Variants in MACROD1 observed in about 807,000 individuals in gnomAD.
MACROD1 encodes the protein ADP-ribose glycohydrolase MACROD1.
In MACROD1, 31 loss-of-function variants were observed where a neutral mutation model predicts 41.4. The ratio of observed to expected loss-of-function variants is 0.75; its 90% CI spans 0.56 to 1.01. The LOEUF is 1.01. Among genes scored for constraint, MACROD1 ranks in the 50% least tolerant of loss-of-function variants. The pLI, the probability that MACROD1 is intolerant of heterozygous loss-of-function variation, is 0.00. For synonymous variants in MACROD1, 252 were observed against 203.4 expected (o/e 1.24, Z -2.03); for missense variants, 473 against 460.0 (o/e 1.03, Z -0.26).
At chr11:64,024,605 C>T (rs1017772984) in intron 3 of MACROD1, among the ~76,000 whole-genome samples, 16 of 152,236 alleles carry the variant, frequency 1.1e-4, no homozygotes, top group African/African-American at 2.7e-4. Context: ...CATAAGCATC[C>T]CTGAAACTCA....
chr11:64,046,435 G>A (rs1943585146), intron 3 of MACROD1, among the ~76,000 whole-genome samples: 1 of 152,202 alleles, frequency 6.6e-6, no homozygotes, highest in Non-Finnish European at 1.5e-5. Context: ...TGCCCAAGGG[G>A]ACAGGAGGGA....
At position 64,010,697 on chromosome 11, in the gene MACROD1, A is replaced by C. The variant is rs35492216; in HGVS notation, c.547+4555T>G. Among the ~76,000 whole-genome samples the C allele has an allele frequency of 2.2e-5, 3 of 134,988 alleles. No homozygotes were observed. In the Admixed American group the frequency reaches 2.4e-4, roughly 11 times the overall value. 88.6% of individuals were successfully genotyped at this position (134,988 alleles called of 152,430 possible). On this transcript the variant is annotated intron_variant, in intron 4 of 10. Coordinates refer to ENST00000255681, the MANE Select transcript of MACROD1 (RefSeq NM_014067.4). Reference sequence around the variant, plus strand: ...TGTGTTGGTTGGGGTGTTGGCTGGCATGTTGGCTGGCATGTTGGTTGGGGT... The same window carrying C: ...TGTGTTGGTTGGGGTGTTGGCTGGCCTGTTGGCTGGCATGTTGGTTGGGGT...
intron 1 of MACROD1, among the ~76,000 whole-genome samples, chr11:64,163,262 T>C (rs1383735831): frequency 6.6e-6 from 1 of 152,184 alleles, no homozygotes; most frequent in Non-Finnish European, 1.5e-5. Flanking sequence ...ATCACACCAC[T>C]GCACTCCAGC....
intron 4 of MACROD1, chr11:64,001,112 T>G: frequency 5.6e-6 from 2 of 356,040 alleles, no homozygotes; most frequent in Non-Finnish European, 1.0e-5. Flanking sequence ...CGGGCGCAGA[T>G]AAACAACCGG....
intron 3 of MACROD1, chr11:64,118,235 C>T (rs1945032164): frequency 6.2e-7 from 1 of 1,610,186 alleles, no homozygotes; most frequent in Non-Finnish European, 8.5e-7. Flanking sequence ...TTGGCTACGG[C>T]ACCACGCGGG....
intron 3 of MACROD1, among the ~76,000 whole-genome samples, chr11:64,124,367 A>G (rs948201388): frequency 6.6e-6 from 1 of 152,144 alleles, no homozygotes; most frequent in Non-Finnish European, 1.5e-5. Context: ...GTATCTATCC[A>G]TCCATCCATC....
intron 3 of MACROD1, among the ~76,000 whole-genome samples, chr11:64,071,138 C>T (rs1944101220): frequency 6.6e-6 from 1 of 152,122 alleles, no homozygotes; most frequent in African/African-American, 2.4e-5. Flanking sequence ...TTCTACTCAT[C>T]CTTCCCCAGA....
In MACROD1 at chr11:63,999,728, C is replaced by G. The variant is rs758339227; in HGVS notation, c.700G>C (p.Glu234Gln). Residue 234 changes from glutamate to glutamine, a missense_variant, in exon 6 of 11, where the codon GAG (glutamate) becomes CAG (glutamine). Physicochemically the swap from Glu to Gln is conservative, Grantham distance 29. Coordinates refer to ENST00000255681, the MANE Select transcript of MACROD1 (RefSeq NM_014067.4). ...IHTVGPIAYG[E>Q]PSASQAAELR... ...TCGGCAGCCTGACTGGCGCTGGGCT[C>G]CCCGTAGGCGATGGGCCCCACTGTG... The G allele has an allele frequency of 1.9e-6, 3 of 1,607,966 alleles. No individual in the cohort carries two copies. Among genetic ancestry groups the G allele is most frequent in the Non-Finnish European group, 2.5e-6 (3 of 1,179,464 alleles).
At chr11:64,143,515 A>T (rs1406654458) in intron 3 of MACROD1, among the ~76,000 whole-genome samples, 1 of 152,064 alleles carries the variant, frequency 6.6e-6, no homozygotes, top group Non-Finnish European at 1.5e-5. Context: ...GATACCGGGC[A>T]GGCTGAGGGA....
intron 4 of MACROD1, among the ~76,000 whole-genome samples, chr11:64,007,292 C>A (rs1034745462): frequency 2.6e-5 from 4 of 152,008 alleles, no homozygotes; most frequent in Non-Finnish European, 5.9e-5. Flanking sequence ...AAGTTGTGGG[C>A]GTGGTGAAAA....
intron 3 of MACROD1, among the ~76,000 whole-genome samples, chr11:64,033,792 G>A (rs1317732438): frequency 1.3e-5 from 2 of 151,998 alleles, no homozygotes; most frequent in African/African-American, 2.4e-5. Context: ...CATGAGCTGA[G>A]ATCGTGCCAT....
At chr11:64,165,641 G>A (rs996556508) in intron 1 of MACROD1, 56 bp downstream of exon 1, 3 of 1,320,706 alleles carry the variant, frequency 2.3e-6, no homozygotes, top group Admixed American at 3.8e-5. Flanking sequence ...CCGCCCAGCC[G>A]GGAAGCTCCA....
intron 3 of MACROD1, among the ~76,000 whole-genome samples, chr11:64,016,335 G>A (rs1943081109): frequency 6.6e-6 from 1 of 152,256 alleles, no homozygotes; most frequent in African/African-American, 2.4e-5. Flanking sequence ...AGCAGCGGGT[G>A]AGGCCAGGCA....
At chr11:64,001,151 T>C in intron 4 of MACROD1, 1 of 469,482 alleles carries the variant, frequency 2.1e-6, no homozygotes, top group Non-Finnish European at 3.8e-6. Flanking sequence ...GAGGAAACGC[T>C]CCAGCAGCCC....
chr11:64,086,250 G>T (rs1944393102), intron 3 of MACROD1, among the ~76,000 whole-genome samples: 1 of 151,704 alleles, frequency 6.6e-6, no homozygotes, highest in Non-Finnish European at 1.5e-5. Flanking sequence ...TTGCATTCGG[G>T]GCCAGAGGGA....
chr11:64,011,442 A>C (rs79993114), intron 4 of MACROD1, among the ~76,000 whole-genome samples: 7,156 of 151,732 alleles, frequency 0.047, 208 homozygotes, highest in South Asian at 0.12. Context: ...AGGGGATGGG[A>C]TGTGGGTGCC....
chr11:64,063,160 G>A (rs1161241179), intron 3 of MACROD1, among the ~76,000 whole-genome samples: 1 of 152,198 alleles, frequency 6.6e-6, no homozygotes, highest in Non-Finnish European at 1.5e-5. Flanking sequence ...CACAGATGCA[G>A]GAGCTGGGTG....
At chr11:64,015,756 G>A (rs572421501) in intron 3 of MACROD1, among the ~76,000 whole-genome samples, 1 of 152,260 alleles carries the variant, frequency 6.6e-6, no homozygotes, top group Admixed American at 6.5e-5. Context: ...TTGCAACCGG[G>A]CTAAGCGCTG....
intron 3 of MACROD1, among the ~76,000 whole-genome samples, chr11:64,070,768 C>T (rs549273268): frequency 2.4e-4 from 36 of 152,284 alleles, no homozygotes; most frequent in African/African-American, 8.7e-4. Context: ...TTTATTTGTT[C>T]GTGGAATGAA....
Sources: gnomAD v4.1 joint callset for allele counts (sites outside exome capture counted in the v4.1 genomes callset) on GRCh38, gnomAD v4.1.1 for gene constraint, MANE v1.5 for transcripts, NCBI Gene and HGNC (gene_info 2026-07-23, HGNC 2026-07-21) for gene names.